Variants in GABRG3 observed in about 807,000 individuals in gnomAD.
GABRG3 encodes the protein gamma-aminobutyric acid receptor subunit gamma-3.
A neutral mutation model predicts 48.8 loss-of-function variants in GABRG3; 25 were observed. The observed-to-expected ratio is 0.51, with a 90% CI of 0.37 to 0.72. The LOEUF (loss-of-function observed/expected upper bound fraction) is 0.72, where lower values mean the gene tolerates loss of function less well. Ranked by LOEUF, GABRG3 falls within the 30% of genes least tolerant of loss-of-function variation. The pLI is 0.00. For synonymous variants in GABRG3, 227 were observed against 217.6 expected (o/e 1.04, Z -0.38); for missense variants, 394 against 577.9 (o/e 0.68, Z 3.26).
chr15:27,255,997 T>C (rs373455338), intron 3 of GABRG3, among the ~76,000 whole-genome samples: 2 of 152,328 alleles, frequency 1.3e-5, no homozygotes, highest in East Asian at 3.9e-4. Context: ...GTCTATGTTA[T>C]TTTACATGGC....
chr15:27,198,451 ATC>A (rs568820423), intron 3 of GABRG3, among the ~76,000 whole-genome samples: 183 of 152,380 alleles, frequency 1.2e-3, no homozygotes, highest in African/African-American at 4.3e-3. Flanking sequence ...ATGTGGTACC[ATC>A]TCAAGCCAGT....
chr15:27,437,324 A>G (rs1888650065), intron 5 of GABRG3, among the ~76,000 whole-genome samples: 1 of 152,244 alleles, frequency 6.6e-6, no homozygotes, highest in South Asian at 2.1e-4. Flanking sequence ...CTAATTAACA[A>G]ATGGAGTAAA....
chr15:27,030,608 G>A (rs1896066016), intron 3 of GABRG3, among the ~76,000 whole-genome samples: 2 of 152,226 alleles, frequency 1.3e-5, no homozygotes, highest in Middle Eastern at 3.2e-3. Flanking sequence ...CAGGAAAGCT[G>A]CATGCAAGGG....
chr15:27,341,524 C>T (rs555965050), intron 5 of GABRG3, among the ~76,000 whole-genome samples: 1 of 152,256 alleles, frequency 6.6e-6, no homozygotes, highest in East Asian at 1.9e-4. Context: ...GTACATTCAG[C>T]CCATCATCCC....
chr15:27,044,923 T>C (rs906399138), intron 3 of GABRG3, among the ~76,000 whole-genome samples: 1 of 152,212 alleles, frequency 6.6e-6, no homozygotes, highest in South Asian at 2.1e-4. Context: ...ATTTACATAC[T>C]GAGTTAGATT....
chr15:27,241,891 G>A (rs1299027978), intron 3 of GABRG3, among the ~76,000 whole-genome samples: 1 of 152,168 alleles, frequency 6.6e-6, no homozygotes, highest in African/African-American at 2.4e-5. Flanking sequence ...CAATATTACT[G>A]TATGTGAATT....
intron 5 of GABRG3, among the ~76,000 whole-genome samples, chr15:27,403,501 T>C (rs1194979772): frequency 6.6e-6 from 1 of 152,140 alleles, no homozygotes; most frequent in East Asian, 1.9e-4. Context: ...CAGAAAATTA[T>C]TGAAAGCACC....
chr15:27,386,998 T>C (rs1895942748), intron 5 of GABRG3, among the ~76,000 whole-genome samples: 1 of 152,214 alleles, frequency 6.6e-6, no homozygotes, highest in Non-Finnish European at 1.5e-5. Flanking sequence ...TGCTCTACTT[T>C]TTAAAACTTT....
At chr15:27,042,593 AC>A (rs1896296075) in intron 3 of GABRG3, among the ~76,000 whole-genome samples, 1 of 152,108 alleles carries the variant, frequency 6.6e-6, no homozygotes, top group Admixed American at 6.5e-5. Flanking sequence ...CATGTCCCGC[AC>A]ACATCACCAC....
At chr15:27,341,345 A>G (rs1484779665) in intron 5 of GABRG3, among the ~76,000 whole-genome samples, 1 of 152,146 alleles carries the variant, frequency 6.6e-6, no homozygotes, top group Non-Finnish European at 1.5e-5. Flanking sequence ...TGTTTTTGTT[A>G]TAGTTTATGA....
intron 3 of GABRG3, among the ~76,000 whole-genome samples, chr15:27,137,489 C>T (rs1898030410): frequency 6.6e-6 from 1 of 152,076 alleles, no homozygotes; most frequent in African/African-American, 2.4e-5. Context: ...GAAAATACAC[C>T]TGTGAAAAAA....
intron 3 of GABRG3, among the ~76,000 whole-genome samples, chr15:27,199,073 A>G (rs1301151597): frequency 6.6e-6 from 1 of 152,120 alleles, no homozygotes; most frequent in Admixed American, 6.6e-5. Context: ...GCAGCAAACC[A>G]CCATGGCATA....
intron 2 of GABRG3, among the ~76,000 whole-genome samples, chr15:27,020,032 A>G (rs143541441): frequency 1.3e-5 from 2 of 152,014 alleles, no homozygotes; most frequent in African/African-American, 4.8e-5. Context: ...TTTACTGAGC[A>G]CCCACTATTT....
At chr15:27,411,244 T>C (rs868251022) in intron 5 of GABRG3, among the ~76,000 whole-genome samples, 2 of 152,132 alleles carry the variant, frequency 1.3e-5, no homozygotes, top group Non-Finnish European at 2.9e-5. Flanking sequence ...CTTTCTTCAC[T>C]GAACAAGCTC....
chr15:27,209,328 C>CTCTTTCTT (rs200595889), intron 3 of GABRG3, among the ~76,000 whole-genome samples: 1 of 148,278 alleles, frequency 6.7e-6, no homozygotes, highest in Non-Finnish European at 1.5e-5. Flanking sequence ...CTGGGAAATG[C>CTCTTTCTT]TCTTTCTTTC....
chr15:27,410,757 C>A (rs1377409576), intron 5 of GABRG3, among the ~76,000 whole-genome samples: 3 of 151,868 alleles, frequency 2.0e-5, no homozygotes, highest in African/African-American at 4.8e-5. Flanking sequence ...TTTTTGCTGA[C>A]TGTGGAATTC....
intron 3 of GABRG3, among the ~76,000 whole-genome samples, chr15:27,072,264 C>T (rs1896841189): frequency 6.6e-6 from 1 of 152,134 alleles, no homozygotes; most frequent in South Asian, 2.1e-4. Flanking sequence ...CTCTGTGTCC[C>T]CAGTCCACTC....
At chr15:27,003,845 CGG>C (rs567653280) in intron 2 of GABRG3, among the ~76,000 whole-genome samples, 40 of 133,754 alleles carry the variant, frequency 3.0e-4, no homozygotes, top group East Asian at 5.4e-4. Flanking sequence ...GCTGGCCGGG[CGG>C]GGGGGGCTGA....
At chr15:27,206,411 G>GA (rs1888852964) in intron 3 of GABRG3, among the ~76,000 whole-genome samples, 1 of 152,176 alleles carries the variant, frequency 6.6e-6, no homozygotes, top group Non-Finnish European at 1.5e-5. Context: ...GCTGTGGTCT[G>GA]AAAGTGTGGC....
Sources: gnomAD v4.1 joint callset for allele counts (sites outside exome capture counted in the v4.1 genomes callset) on GRCh38, gnomAD v4.1.1 for gene constraint, MANE v1.5 for transcripts, NCBI Gene and HGNC (gene_info 2026-07-23, HGNC 2026-07-21) for gene names.